Variants in ERAP1 observed in about 807,000 individuals in gnomAD.
The protein encoded by ERAP1 is adipocyte-derived leucine aminopeptidase.
Under a neutral mutation model 103.7 loss-of-function variants are expected in ERAP1, and 86 were observed. That is an observed-to-expected ratio of 0.83 (90% CI 0.70 to 0.99). ERAP1 has a LOEUF of 0.99. ERAP1 is among the 50% of genes least tolerant of loss of function. The pLI is 0.00. For synonymous variants in ERAP1, 398 were observed against 402.4 expected, an observed-to-expected ratio of 0.99 and a Z score of 0.13; for missense variants, 1,009 against 1,128.4, an observed-to-expected ratio of 0.89 and a Z score of 1.52.
chr5:96,913,055 T>C, the ERAP1 span, among the ~76,000 whole-genome samples: 1 of 152,192 alleles, frequency 6.6e-6, no homozygotes, highest in African/African-American at 2.4e-5. Context: ...AAAATTATTG[T>C]TGTAAAAATA....
chr5:96,916,247 C>A, the ERAP1 span, among the ~76,000 whole-genome samples: 5,959 of 50,480 alleles, frequency 0.12, 376 homozygotes, highest in African/African-American at 0.31. Context: ...AAAACAAAAA[C>A]AAAAAACAAC....
chr5:96,886,717 G>A, the ERAP1 span: 2 of 1,554,104 alleles, frequency 1.3e-6, no homozygotes, highest in Non-Finnish European at 8.8e-7. Context: ...CTGTAAAAAT[G>A]AGTACATACC....
At chr5:96,813,045 T>C (rs1410061386), upstream of ERAP1, among the ~76,000 whole-genome samples, 2 of 152,086 alleles carry the variant, frequency 1.3e-5, no homozygotes, top group African/African-American at 4.8e-5. Flanking sequence ...TGGTGGGAAG[T>C]GGAAGAAAGA....
In ERAP1 at chr5:96,762,551, A is replaced by G. The variant is rs1581367019; in HGVS notation, c.*649T>C. ...CGAGATGGCAGAGATTAACTTTGAAATGATTAAATGAAACTATATATGTGA... is the reference window on the plus strand; with the variant it reads ...CGAGATGGCAGAGATTAACTTTGAAGTGATTAAATGAAACTATATATGTGA... On this transcript the variant is annotated 3_prime_UTR_variant, in exon 20 of 20. Coordinates refer to the ERAP1 transcript ENST00000296754. 7.5e-5 allele frequency: 38 copies of G among 503,536 alleles called. No individual in the cohort carries two copies. In the South Asian group the frequency reaches 1.5e-3, roughly 20 times the overall value. 31.2% of individuals were successfully genotyped at this position (503,536 alleles called of 1,614,324 possible). A position where few individuals can be genotyped will look rare whatever the true frequency, so the allele number is the denominator to read the frequency against.
At chr5:96,805,030 A>G (rs1341301305) in intron 1 of ERAP1, 1 of 139,166 alleles carries the variant, frequency 7.2e-6, no homozygotes, top group Admixed American at 7.5e-5. Context: ...TATTTCTTTT[A>G]TACAAACGCA....
At chr5:96,807,984 T>G (rs991832423), upstream of ERAP1, 5 of 985,476 alleles carry the variant, frequency 5.1e-6, no homozygotes, top group Non-Finnish European at 6.0e-6. Context: ...GAGCGGCGCT[T>G]CGGCCCGAGC....
chr5:96,829,474 C>T, the ERAP1 span, among the ~76,000 whole-genome samples: 5 of 152,286 alleles, frequency 3.3e-5, no homozygotes, highest in Admixed American at 1.3e-4. Flanking sequence ...TTAAGACTTC[C>T]GGATTGAATT....
intron 18 of ERAP1, chr5:96,776,959 G>A (rs26513): frequency 0.058 from 10,753 of 186,492 alleles, 404 homozygotes; most frequent in South Asian, 0.13. Flanking sequence ...CACCACGTAA[G>A]TGCTGTCTTT....
Position 96,775,945 on chromosome 5 carries a change from A to C in ERAP1, c.*451T>G, listed in dbSNP as rs973213394. ...GAAGAGGGATGGGCAGCGGGTCTGG[A>C]GGGGTGAGCCGGGAGAGCTTTAACC... On this transcript the variant is annotated 3_prime_UTR_variant, in exon 19 of 19. Coordinates refer to ENST00000443439, the MANE Select transcript of ERAP1 (RefSeq NM_001040458.3). 2 of 1,039,424 alleles carry C rather than the reference A, an allele frequency of 1.9e-6. No individual in the cohort carries two copies. The highest frequency in any genetic ancestry group is 5.0e-5 in the Admixed American group (1 of 19,802). The allele number at this position is 1,039,424 out of a possible 1,614,324, so 64.4% of individuals were successfully genotyped here. A position where few individuals can be genotyped will look rare whatever the true frequency, so the allele number is the denominator to read the frequency against.
the ERAP1 span, chr5:96,880,399 T>G: frequency 1.3e-6 from 1 of 783,022 alleles, no homozygotes; most frequent in Non-Finnish European, 2.0e-6. Flanking sequence ...GGAAAAGATC[T>G]ACCATTCCTT....
the ERAP1 span, chr5:96,909,457 T>TA: frequency 7.9e-6 from 6 of 761,746 alleles, no homozygotes; most frequent in Non-Finnish European, 1.3e-5. Flanking sequence ...AATACGAAGA[T>TA]ACACTGTTTG....
chr5:96,813,600 C>A, the ERAP1 span, among the ~76,000 whole-genome samples: 3 of 122,796 alleles, frequency 2.4e-5, no homozygotes, highest in South Asian at 7.9e-4. Context: ...TTGCAGTGAA[C>A]CAAGATTGTG....
chr5:96,906,694 T>C, the ERAP1 span, among the ~76,000 whole-genome samples: 1 of 152,228 alleles, frequency 6.6e-6, no homozygotes, highest in African/African-American at 2.4e-5. Flanking sequence ...TCAATTTGCC[T>C]ATAGAAAAAG....
intron 3 of ERAP1, among the ~76,000 whole-genome samples, chr5:96,799,973 T>G (rs201664874): frequency 2.0e-5 from 3 of 152,118 alleles, no homozygotes; most frequent in African/African-American, 7.2e-5. Context: ...ACACTAGAGG[T>G]TGGTCTGTGG....
chr5:96,867,242 G>A, the ERAP1 span, among the ~76,000 whole-genome samples: 1 of 152,032 alleles, frequency 6.6e-6, no homozygotes, highest in African/African-American at 2.4e-5. Flanking sequence ...CCTGAGCTGA[G>A]GCAATCCCTC....
the ERAP1 span, among the ~76,000 whole-genome samples, chr5:96,851,396 A>G: frequency 6.6e-6 from 1 of 152,174 alleles, no homozygotes; most frequent in African/African-American, 2.4e-5. Context: ...CATTAATTAG[A>G]TTGTAAAATG....
chr5:96,887,088 TATATATATATATACACAC>T, the ERAP1 span, among the ~76,000 whole-genome samples: 1 of 93,578 alleles, frequency 1.1e-5, no homozygotes, highest in Admixed American at 1.4e-4. Context: ...TATATATATA[TATATATATATATACACAC>T]ACACACACAC....
chr5:96,934,455 G>C, the ERAP1 span: 2 of 152,246 alleles, frequency 1.3e-5, no homozygotes, highest in East Asian at 3.8e-4. Flanking sequence ...GATGGAACTT[G>C]GCGACTTCCG....
chr5:96,817,529 A>C, the ERAP1 span, among the ~76,000 whole-genome samples: 2 of 152,242 alleles, frequency 1.3e-5, no homozygotes, highest in Non-Finnish European at 2.9e-5. Context: ...GCACAGAATC[A>C]CTAAGCTATT....
Sources: gnomAD v4.1 joint callset for allele counts (sites outside exome capture counted in the v4.1 genomes callset) on GRCh38, gnomAD v4.1.1 for gene constraint, MANE v1.5 for transcripts, NCBI Gene and HGNC (gene_info 2026-07-23, HGNC 2026-07-21) for gene names.